FGF12: variants seen among roughly 807,000 people sequenced by gnomAD.
FGF12 encodes the protein fibroblast growth factor 12B.
Under a neutral mutation model 23.6 loss-of-function variants are expected in FGF12, and 14 were observed. The observed-to-expected ratio is 0.59, with a 90% CI of 0.39 to 0.93. The LOEUF (loss-of-function observed/expected upper bound fraction) is 0.93. Among genes scored for constraint, FGF12 ranks in the 40% least tolerant of loss-of-function variants. FGF12 has a pLI of 0.00. For synonymous variants in FGF12, 62 were observed against 77.3 expected, an observed-to-expected ratio of 0.80 and a Z score of 1.04; for missense variants, 175 against 217.8, an observed-to-expected ratio of 0.80 and a Z score of 1.24.
chr3:192,470,943 C>T (rs1173700686), intron 2 of FGF12, among the ~76,000 whole-genome samples: 4 of 152,174 alleles, frequency 2.6e-5, no homozygotes, highest in African/African-American at 4.8e-5. Flanking sequence ...CATCAAATGG[C>T]ACTTCCCCAG....
intron 2 of FGF12, among the ~76,000 whole-genome samples, chr3:192,509,728 C>G (rs1038931561): frequency 2.6e-5 from 4 of 152,090 alleles, no homozygotes; most frequent in Non-Finnish European, 5.9e-5. Context: ...ATAACAAAAC[C>G]TCATAATTTG....
chr3:192,201,744 T>C (rs569836646), intron 4 of FGF12, among the ~76,000 whole-genome samples: 1 of 152,366 alleles, frequency 6.6e-6, no homozygotes, highest in East Asian at 1.9e-4. Context: ...CATTAGCTTA[T>C]TGAAGTCATT....
intron 2 of FGF12, among the ~76,000 whole-genome samples, chr3:192,494,841 C>CAT (rs60656064): frequency 0.14 from 21,761 of 150,210 alleles, 1,857 homozygotes; most frequent in African/African-American, 0.25. Flanking sequence ...AGGGCCTATG[C>CAT]ATATATATAT....
chr3:192,427,525 A>T (rs923837452), intron 2 of FGF12, among the ~76,000 whole-genome samples: 1 of 152,338 alleles, frequency 6.6e-6, no homozygotes, highest in Non-Finnish European at 1.5e-5. Context: ...ACACTTTGAC[A>T]TGTGATTTGC....
intron 2 of FGF12, among the ~76,000 whole-genome samples, chr3:192,369,234 G>T (rs1020151184): frequency 1.3e-5 from 2 of 152,152 alleles, no homozygotes; most frequent in Admixed American, 1.3e-4. Flanking sequence ...ATTTTCCTTT[G>T]TCACCTGTGA....
intron 2 of FGF12, among the ~76,000 whole-genome samples, chr3:192,460,026 C>T (rs1240597163): frequency 6.6e-6 from 1 of 151,678 alleles, no homozygotes; most frequent in South Asian, 2.1e-4. Context: ...GCAGGATGAA[C>T]AGACATAAGT....
intron 2 of FGF12, among the ~76,000 whole-genome samples, chr3:192,680,752 T>A (rs1717497968): frequency 6.6e-6 from 1 of 152,150 alleles, no homozygotes; most frequent in Admixed American, 6.5e-5. Flanking sequence ...TCCTCCTAGC[T>A]CCCAAATCCA....
chr3:192,504,595 T>C (rs539911529), intron 2 of FGF12, among the ~76,000 whole-genome samples: 1 of 152,294 alleles, frequency 6.6e-6, no homozygotes, highest in Admixed American at 6.5e-5. Flanking sequence ...TAGCCTGTTG[T>C]TTCTTTCTCT....
At chr3:192,700,769 G>T (rs902463284) in intron 2 of FGF12, among the ~76,000 whole-genome samples, 3 of 152,078 alleles carry the variant, frequency 2.0e-5, no homozygotes, top group Non-Finnish European at 2.9e-5. Flanking sequence ...ATTATACATT[G>T]CTCCTTTGGA....
chr3:192,726,825 G>A (rs1719230862), intron 2 of FGF12: 1 of 296,834 alleles, frequency 3.4e-6, no homozygotes, highest in Non-Finnish European at 6.3e-6. Context: ...CAATTCTAAA[G>A]CAAATGAAAT....
intron 4 of FGF12, among the ~76,000 whole-genome samples, chr3:192,176,246 A>C (rs1715854790): frequency 6.6e-6 from 1 of 152,178 alleles, no homozygotes; most frequent in African/African-American, 2.4e-5. Flanking sequence ...TTTCTCTATC[A>C]AATAGGACCA....
intron 2 of FGF12, among the ~76,000 whole-genome samples, chr3:192,439,099 A>G (rs557971792): frequency 6.6e-6 from 1 of 152,346 alleles, no homozygotes; most frequent in South Asian, 2.1e-4. Flanking sequence ...TTCTTATGGA[A>G]TATTACAAAA....
intron 4 of FGF12, among the ~76,000 whole-genome samples, chr3:192,252,667 C>G (rs1280680696): frequency 6.6e-6 from 1 of 151,828 alleles, no homozygotes; most frequent in African/African-American, 2.4e-5. Context: ...CAAATAATCA[C>G]TTGTCTTCAA....
At chr3:192,210,371 G>GAA (rs137865697) in intron 4 of FGF12, among the ~76,000 whole-genome samples, 1,935 of 152,040 alleles carry the variant, frequency 0.013, 37 homozygotes, top group East Asian at 0.05. Context: ...GGCTATGGGA[G>GAA]AAAAAAAATA....
intron 4 of FGF12, among the ~76,000 whole-genome samples, chr3:192,218,389 G>T (rs951053663): frequency 6.6e-6 from 1 of 152,158 alleles, no homozygotes; most frequent in Non-Finnish European, 1.5e-5. Flanking sequence ...GGAAGGGTTT[G>T]TTGGGAGGTG....
Position 192,226,764 on chromosome 3 carries a change from G to A in FGF12, c.229-56108C>T, listed in dbSNP as rs78189809. Among the ~76,000 whole-genome samples, 917 of 152,146 alleles carry A rather than the reference G, an allele frequency of 6.0e-3. 8 individuals carry two copies. The highest frequency in any genetic ancestry group is 0.021 in the African/African-American group (865 of 41,492). On this transcript the variant is annotated intron_variant, in intron 4 of 5. Transcript: ENST00000445105. ...ACAACATATCGTATACTAGAAAAAT[G>A]CCAAGAGACTGAATGTTAAATGTTA...
In FGF12 at chr3:192,408,559, G is replaced by A. The variant is rs918116210; in HGVS notation, c.14-48021C>T. Reference sequence around the variant, plus strand: ...ATCGGCGTCCAAGGGGCAGTGGGGAGTTTAGTCACACTGCGTTCGGGGTAC... The same window carrying A: ...ATCGGCGTCCAAGGGGCAGTGGGGAATTTAGTCACACTGCGTTCGGGGTAC... On this transcript the variant is annotated intron_variant, in intron 2 of 5. Coordinates refer to ENST00000445105, the MANE Select transcript of FGF12 (RefSeq NM_004113.6). The surrounding 1 kb of genome is among the most constrained non-coding windows in gnomAD (Gnocchi z 7.3). 8.8e-7 allele frequency: 1 copy of A among 1,140,884 alleles called. No homozygotes were observed. Among genetic ancestry groups the A allele is most frequent in the African/African-American group, 1.6e-5 (1 of 61,770 alleles). 70.7% of individuals were successfully genotyped at this position (1,140,884 alleles called of 1,614,324 possible).
intron 2 of FGF12, among the ~76,000 whole-genome samples, chr3:192,626,370 T>G (rs551165766): frequency 6.6e-6 from 1 of 152,288 alleles, no homozygotes; most frequent in South Asian, 2.1e-4. Flanking sequence ...ATTCCTTAAG[T>G]ATACACCCTA....
intron 2 of FGF12, among the ~76,000 whole-genome samples, chr3:192,566,110 C>A (rs1183076562): frequency 1.3e-5 from 2 of 152,140 alleles, no homozygotes; most frequent in African/African-American, 4.8e-5. Flanking sequence ...AGAGGCATGA[C>A]TGCATATGAA....
Sources: gnomAD v4.1 joint callset for allele counts (sites outside exome capture counted in the v4.1 genomes callset) on GRCh38, gnomAD v4.1.1 for gene constraint, Gnocchi (gnomAD v3.1) non-coding constraint, MANE v1.5 for transcripts, NCBI Gene and HGNC (gene_info 2026-07-23, HGNC 2026-07-21) for gene names.